Variants in NCAPD3 observed in about 807,000 individuals in gnomAD.
NCAPD3 encodes non-SMC condensin II complex subunit D3, also known as condensin-2 complex subunit D3.
In NCAPD3, 105 loss-of-function variants were observed where a neutral mutation model predicts 182.9. The ratio of observed to expected loss-of-function variants is 0.57; its 90% CI spans 0.49 to 0.68. NCAPD3 has a LOEUF of 0.68. Among genes scored for constraint, NCAPD3 ranks in the 30% least tolerant of loss-of-function variants. The pLI is 0.00. For missense variants in NCAPD3, 1,944 were observed against 1,837.0 expected (o/e 1.06, Z -1.07); for synonymous variants, 815 against 679.9 (o/e 1.20, Z -3.09).
intron 14 of NCAPD3, 54 bp downstream of exon 14, chr11:134,194,611 G>A: frequency 7.8e-7 from 1 of 1,285,062 alleles, no homozygotes; most frequent in Non-Finnish European, 1.1e-6. Context: ...ATATTCCTTT[G>A]CATTTCCAAG....
chr11:134,169,040 C>A lies in NCAPD3; in HGVS notation c.3116G>T (p.Cys1039Phe). The change falls in exon 25 of 35, where the codon TGC becomes TTC. Residue 1039 changes from cysteine to phenylalanine, a missense_variant. Transcript: ENST00000534548. ...CCTCTTCAGTAACAGGTGAGCCAGG[C>A]AAAACTCCCCGAAGCTGCAAAGGTG... ...HPDIASFGEF[C>F]LAHLLLKRNP... 1 of 1,613,552 alleles carries A rather than the reference C, an allele frequency of 6.2e-7. No homozygotes were observed. Among genetic ancestry groups the A allele is most frequent in the Non-Finnish European group, 8.5e-7 (1 of 1,179,718 alleles).
chr11:134,198,115 C>T (rs1409294069), intron 13 of NCAPD3, among the ~76,000 whole-genome samples: 3 of 152,212 alleles, frequency 2.0e-5, no homozygotes, highest in Non-Finnish European at 4.4e-5. Flanking sequence ...AAGACTGGTT[C>T]AGACCATGAC....
intron 32 of NCAPD3, among the ~76,000 whole-genome samples, chr11:134,156,308 A>G (rs1474386246): frequency 6.6e-6 from 1 of 152,172 alleles, no homozygotes; most frequent in Non-Finnish European, 1.5e-5. Context: ...GGCACTGTGC[A>G]CAGCCGGGCG....
chr11:134,215,083 A>G (rs1937967021), intron 3 of NCAPD3, among the ~76,000 whole-genome samples: 1 of 152,228 alleles, frequency 6.6e-6, no homozygotes, highest in Admixed American at 6.5e-5. Context: ...TATTAGAATA[A>G]GAAACAAAAA....
At chr11:134,200,865 G>A (rs1390804245) in intron 13 of NCAPD3, among the ~76,000 whole-genome samples, 21 of 152,094 alleles carry the variant, frequency 1.4e-4, no homozygotes, top group Non-Finnish European at 5.9e-5. Context: ...AAAATGTGGT[G>A]TATCCTTATA....
intron 31 of NCAPD3, 49 bp from the exon 32 acceptor site, chr11:134,157,144 G>C: frequency 6.9e-7 from 1 of 1,454,708 alleles, no homozygotes; most frequent in Non-Finnish European, 9.5e-7. Flanking sequence ...AAACAATAAC[G>C]AAGAGCAAAA....
intron 7 of NCAPD3, among the ~76,000 whole-genome samples, chr11:134,208,052 C>T (rs369505801): frequency 1.3e-5 from 2 of 152,248 alleles, no homozygotes; most frequent in South Asian, 2.1e-4. Flanking sequence ...TGAAATCTAA[C>T]GCTTTAGCCA....
At chr11:134,185,573 CA>C in intron 16 of NCAPD3, 47 bp from the exon 17 acceptor site, 1 of 1,463,820 alleles carries the variant, frequency 6.8e-7, no homozygotes, top group Non-Finnish European at 9.3e-7. Context: ...TGTAAATATA[CA>C]AAATGATTCA....
chr11:134,171,813 G>A (rs562765210), intron 24 of NCAPD3, among the ~76,000 whole-genome samples: 94 of 152,236 alleles, frequency 6.2e-4, no homozygotes, highest in African/African-American at 2.0e-3. Context: ...AATGTGGGCC[G>A]GCTGTCCTCC....
chr11:134,206,476 T>C, intron 8 of NCAPD3, 123 bp downstream of exon 8: 1 of 1,325,314 alleles, frequency 7.5e-7, no homozygotes, highest in East Asian at 2.4e-5. Flanking sequence ...GTGCTTGGTT[T>C]TCACCCCCAA....
intron 27 of NCAPD3, among the ~76,000 whole-genome samples, chr11:134,166,909 G>C (rs1943834589): frequency 8.0e-6 from 1 of 125,562 alleles, no homozygotes; most frequent in African/African-American, 3.2e-5. Flanking sequence ...CTTGGGGGAG[G>C]CGCACACTCG....
rs376269479 is a variant in NCAPD3, at chr11:134,158,514, A to G, written c.3868-19T>C. On this transcript the variant is annotated intron_variant, in intron 29 of 34. Transcript: ENST00000534548. ...GGGCAACCTGGTAGAGAAGATAAAG[A>G]GTATGTACATTCTAATACTTTTTAA... 3.0e-5 allele frequency: 48 copies of G among 1,608,702 alleles called. No homozygotes were observed. Among genetic ancestry groups the G allele is most frequent in the Middle Eastern group, 1.6e-4 (1 of 6,080 alleles).
In NCAPD3 at chr11:134,168,038, T is replaced by C. The variant is rs756123220; in HGVS notation, c.3531A>G (p.Ala1177=). ...TCTGAGCTTCCTGCATGACTACATT[T>C]GCCAAGGCCATGTCATCTTCTTCCA... ...LLMEEDDMAL[A]NVVMQEAQKK... Residue 1177 remains alanine (A), a synonymous_variant, in exon 27 of 35, where the codon GCA becomes GCG. Transcript: ENST00000534548. The C allele has an allele frequency of 1.9e-6, 3 of 1,614,004 alleles. No individual in the cohort carries two copies. Among genetic ancestry groups the C allele is most frequent in the Non-Finnish European group, 2.5e-6 (3 of 1,179,990 alleles).
intron 14 of NCAPD3, 64 bp from the exon 15 acceptor site, chr11:134,194,214 T>C: frequency 3.3e-6 from 5 of 1,516,102 alleles, no homozygotes; most frequent in Admixed American, 3.7e-5. Flanking sequence ...AGATAAACTG[T>C]TAACAAAGGA....
In NCAPD3 at chr11:134,151,056, T is replaced by G. The variant is rs1943215176; in HGVS notation, c.*1888A>C. ...CTCAGCCTCACATGCCCTGCCGTGC[T>G]GGACTCAGGACTGAAGTGCTGTAAA... is the stretch of plus-strand genomic sequence containing the variant. On this transcript the variant is annotated 3_prime_UTR_variant, in exon 35 of 35. Coordinates refer to ENST00000534548, the MANE Select transcript of NCAPD3 (RefSeq NM_015261.3). The G allele has an allele frequency of 1.3e-5, 2 of 152,306 alleles. No homozygotes were observed. The highest frequency in any genetic ancestry group is 2.9e-5 in the Non-Finnish European group (2 of 68,072). 9.4% of individuals were successfully genotyped at this position (152,306 alleles called of 1,614,324 possible). A position where few individuals can be genotyped will look rare whatever the true frequency, so the allele number is the denominator to read the frequency against.
chr11:134,173,643 C>G (rs1026905067), intron 24 of NCAPD3: 1 of 152,320 alleles, frequency 6.6e-6, no homozygotes, highest in Non-Finnish European at 1.5e-5. Context: ...GCCCTCCATT[C>G]AGATTGTCTA....
intron 19 of NCAPD3, chr11:134,183,031 T>C (rs1358376791): frequency 2.2e-6 from 1 of 450,544 alleles, no homozygotes; most frequent in Non-Finnish European, 4.4e-6. Flanking sequence ...AGTTCTTGCC[T>C]TCCTCATAGG....
chr11:134,173,486 C>T (rs1331394578), intron 24 of NCAPD3: 1 of 153,804 alleles, frequency 6.5e-6, no homozygotes, highest in East Asian at 1.9e-4. Flanking sequence ...TCCGCAGCAC[C>T]CCAGCTACTG....
At chr11:134,224,204 GCGTTTTTCCCGCCT>G, upstream of NCAPD3, 2 of 550,522 alleles carry the variant, frequency 3.6e-6, no homozygotes, top group Non-Finnish European at 6.4e-6. Context: ...AACCCTAACA[GCGTTTTTCCCGCCT>G]CGTTTTTCTT....
Sources: allele counts gnomAD v4.1 joint callset (sites outside exome capture counted in the v4.1 genomes callset), GRCh38; gene constraint gnomAD v4.1.1; transcripts MANE v1.5; gene names NCBI Gene and HGNC (gene_info 2026-07-23, HGNC 2026-07-21).